TNR: variants seen among roughly 807,000 people sequenced by gnomAD.
TNR encodes tenascin-R.
Under a neutral mutation model 150.4 loss-of-function variants are expected in TNR, and 45 were observed. The observed-to-expected ratio is 0.30, with a 90% CI of 0.24 to 0.38. TNR has a LOEUF of 0.38. Among genes scored for constraint, TNR ranks in the 10% least tolerant of loss-of-function variants. TNR has a pLI of 1.00. For missense variants in TNR, 1,544 were observed against 1,759.1 expected, an observed-to-expected ratio of 0.88 and a Z score of 2.19; for synonymous variants, 687 against 678.4, an observed-to-expected ratio of 1.01 and a Z score of -0.20.
chr1:175,709,302 C>CACACAT (rs1432466828), intron 1 of TNR, among the ~76,000 whole-genome samples: 1 of 139,328 alleles, frequency 7.2e-6, no homozygotes, highest in East Asian at 2.0e-4. Context: ...TTCACACACA[C>CACACAT]ACACATACAC....
chr1:175,480,419 A>AGAAAG (rs373622666), intron 2 of TNR, among the ~76,000 whole-genome samples: 45 of 111,030 alleles, frequency 4.1e-4, no homozygotes, highest in African/African-American at 1.1e-3. Context: ...AAAGAAAGAA[A>AGAAAG]AAAGAAAGAA....
intron 8 of TNR, among the ~76,000 whole-genome samples, chr1:175,380,349 G>GC (rs11417920): frequency 1 from 152,254 of 152,270 alleles, 76,119 homozygotes; most frequent in Non-Finnish European, 1. Flanking sequence ...GGCCTTGATG[G>GC]CACCTCTGTA....
chr1:175,611,480 T>G (rs2101855484), intron 1 of TNR, among the ~76,000 whole-genome samples: 1 of 152,196 alleles, frequency 6.6e-6, no homozygotes, highest in South Asian at 2.1e-4. Flanking sequence ...CTACAGGCAC[T>G]CGCCACCATG....
intron 2 of TNR, among the ~76,000 whole-genome samples, chr1:175,417,568 TAC>T (rs1654554287): frequency 6.6e-6 from 1 of 152,196 alleles, no homozygotes; most frequent in Non-Finnish European, 1.5e-5. Flanking sequence ...CTGGAAACAC[TAC>T]TAATATGTGC....
intron 1 of TNR, among the ~76,000 whole-genome samples, chr1:175,576,180 G>A (rs969846874): frequency 1.1e-4 from 17 of 152,298 alleles, no homozygotes; most frequent in South Asian, 1.0e-3. Context: ...GTGCAGCTGC[G>A]GGATTTCACT....
At chr1:175,443,880 T>C (rs1435725672) in intron 2 of TNR, among the ~76,000 whole-genome samples, 1 of 152,210 alleles carries the variant, frequency 6.6e-6, no homozygotes, top group Non-Finnish European at 1.5e-5. Flanking sequence ...TTACTGTCCC[T>C]ACAAATGCTC....
chr1:175,490,307 G>A (rs1658190218), intron 2 of TNR, among the ~76,000 whole-genome samples: 1 of 152,036 alleles, frequency 6.6e-6, no homozygotes, highest in African/African-American at 2.4e-5. Flanking sequence ...CAGGACACAG[G>A]CACAGGCAAA....
At chr1:175,377,730 G>T (rs1473172061) in intron 9 of TNR, among the ~76,000 whole-genome samples, 1 of 152,110 alleles carries the variant, frequency 6.6e-6, no homozygotes, top group East Asian at 1.9e-4. Context: ...TACTGCCCTT[G>T]TTTACCGTAT....
intron 1 of TNR, among the ~76,000 whole-genome samples, chr1:175,547,601 GAAAGAAAGAAACAAAGAAAC>G (rs1189087249): frequency 0.086 from 1,922 of 22,246 alleles, 45 homozygotes; most frequent in African/African-American, 0.11. Context: ...AAGAAAGAAA[GAAAGAAAGAAACAAAGAAAC>G]AAAGAAAGAA....
At chr1:175,559,668 T>C (rs1661340045) in intron 1 of TNR, among the ~76,000 whole-genome samples, 1 of 152,236 alleles carries the variant, frequency 6.6e-6, no homozygotes, top group Non-Finnish European at 1.5e-5. Flanking sequence ...CCTTTTTCCA[T>C]TCTGATTATG....
chr1:175,363,938 A>C, intron 12 of TNR, 111 bp from the exon 13 acceptor site: 1 of 1,360,670 alleles, frequency 7.3e-7, no homozygotes, highest in Non-Finnish European at 9.9e-7. Flanking sequence ...AAAGGCAGAC[A>C]AGATCTTTCC....
chr1:175,581,411 A>G (rs746746980), intron 1 of TNR, among the ~76,000 whole-genome samples: 2 of 152,184 alleles, frequency 1.3e-5, no homozygotes, highest in African/African-American at 4.8e-5. Context: ...AGCTCATCAG[A>G]AATTCTATCT....
intron 2 of TNR, among the ~76,000 whole-genome samples, chr1:175,514,343 A>G (rs532289393): frequency 2.0e-5 from 3 of 152,380 alleles, no homozygotes; most frequent in South Asian, 4.1e-4. Context: ...AAAATGCAAG[A>G]AAACATGTTC....
At chr1:175,628,108 G>C (rs539710560) in intron 1 of TNR, among the ~76,000 whole-genome samples, 2 of 152,190 alleles carry the variant, frequency 1.3e-5, no homozygotes, top group Non-Finnish European at 2.9e-5. Context: ...TCTGGGCAGG[G>C]AACTAAAAAT....
intron 9 of TNR, among the ~76,000 whole-genome samples, chr1:175,367,720 G>C (rs2102015783): frequency 6.6e-6 from 1 of 152,290 alleles, no homozygotes; most frequent in East Asian, 1.9e-4. Flanking sequence ...TTCCTTGAAT[G>C]TTATATACAA....
intron 1 of TNR, among the ~76,000 whole-genome samples, chr1:175,553,817 AACACACAC>A (rs58714689): frequency 1.4e-5 from 2 of 145,390 alleles, no homozygotes; most frequent in African/African-American, 5.2e-5. Context: ...TACAAGAACA[AACACACAC>A]ACACACACAC....
intron 2 of TNR, among the ~76,000 whole-genome samples, chr1:175,467,337 C>A (rs1189583677): frequency 1.3e-5 from 2 of 152,162 alleles, no homozygotes; most frequent in Non-Finnish European, 2.9e-5. Context: ...AAGCACTTTG[C>A]TTTCTGCCTC....
intron 1 of TNR, among the ~76,000 whole-genome samples, chr1:175,542,192 A>G (rs1660526593): frequency 1.3e-5 from 2 of 152,208 alleles, no homozygotes. Flanking sequence ...AAGAAATAAA[A>G]GAATTCTTCC....
At chr1:175,722,678 T>C (rs1254766610) in intron 1 of TNR, among the ~76,000 whole-genome samples, 1 of 152,176 alleles carries the variant, frequency 6.6e-6, no homozygotes, top group African/African-American at 2.4e-5. Flanking sequence ...TTGCTCACAC[T>C]GGTCTTGAAC....
Sources: allele counts gnomAD v4.1 joint callset (sites outside exome capture counted in the v4.1 genomes callset), GRCh38; gene constraint gnomAD v4.1.1; transcripts MANE v1.5; gene names NCBI Gene and HGNC (gene_info 2026-07-23, HGNC 2026-07-21).